Variants in SGCZ observed in about 807,000 individuals in gnomAD.
SGCZ encodes the protein zeta-sarcoglycan.
In SGCZ, 40 loss-of-function variants were observed where a neutral mutation model predicts 41.3. The ratio of observed to expected loss-of-function variants is 0.97; its 90% CI spans 0.75 to 1.26. The LOEUF (loss-of-function observed/expected upper bound fraction) is 1.26, where lower values mean the gene tolerates loss of function less well. Among genes scored for constraint, SGCZ ranks in the 50% most tolerant of loss-of-function variants. The probability of loss-of-function intolerance (pLI) is 0.00; values close to 1 mark genes in which losing one functional copy is unlikely to be tolerated. For missense variants in SGCZ, 552 were observed against 369.8 expected (o/e 1.49, Z -4.04); for synonymous variants, 206 against 137.5 (o/e 1.50, Z -3.49).
intron 2 of SGCZ, among the ~76,000 whole-genome samples, chr8:14,330,819 A>G (rs1005718206): frequency 4.6e-5 from 7 of 152,014 alleles, no homozygotes; most frequent in African/African-American, 1.7e-4. Flanking sequence ...AATTAAGAAA[A>G]TATTTTAAAA....
intron 2 of SGCZ, among the ~76,000 whole-genome samples, chr8:14,341,014 A>C (rs1219099425): frequency 6.6e-6 from 1 of 152,162 alleles, no homozygotes; most frequent in African/African-American, 2.4e-5. Flanking sequence ...AGGAGCCTCA[A>C]GTAAGTGTAA....
intron 1 of SGCZ, among the ~76,000 whole-genome samples, chr8:14,841,130 C>CA (rs1164242589): frequency 6.6e-6 from 1 of 151,728 alleles, no homozygotes; most frequent in Non-Finnish European, 1.5e-5. Flanking sequence ...AATCAAGTTA[C>CA]AAAACTAGGT....
At chr8:14,635,394 T>A (rs1297274753) in intron 1 of SGCZ, among the ~76,000 whole-genome samples, 1 of 151,780 alleles carries the variant, frequency 6.6e-6, no homozygotes, top group Non-Finnish European at 1.5e-5. Context: ...ATTCTTCAAC[T>A]TATAAAATAA....
In SGCZ at chr8:14,434,399, G is replaced by A. The variant is rs189442022; in HGVS notation, c.235-110195C>T. ...ATAGTATCATTTGAAATCAGGTAAT[G>A]GGATGCCTCCAGATTTGTTCTTTTT... On this transcript the variant is annotated intron_variant, in intron 2 of 7. Transcript: ENST00000382080. Among the ~76,000 whole-genome samples, 43 of 152,232 alleles carry A rather than the reference G, an allele frequency of 2.8e-4. No individual in the cohort carries two copies. In the East Asian group the frequency reaches 7.3e-3, roughly 26 times the overall value.
chr8:14,645,579 T>C (rs61173694), intron 1 of SGCZ, among the ~76,000 whole-genome samples: 11,788 of 148,838 alleles, frequency 0.079, 1,094 homozygotes, highest in East Asian at 0.52. Flanking sequence ...AAATTCCTGG[T>C]ATCCTCGAAG....
intron 1 of SGCZ, among the ~76,000 whole-genome samples, chr8:14,804,108 A>G (rs1049640402): frequency 3.4e-5 from 3 of 88,920 alleles, no homozygotes; most frequent in African/African-American, 6.3e-5. Context: ...CCAAAAGTAG[A>G]TAAAACCACA....
intron 1 of SGCZ, among the ~76,000 whole-genome samples, chr8:14,929,873 C>T (rs997027031): frequency 3.9e-5 from 6 of 151,988 alleles, no homozygotes; most frequent in Non-Finnish European, 7.3e-5. Context: ...GTGACTTACA[C>T]TTGGTAATTG....
chr8:14,642,153 T>C (rs1340730562), intron 1 of SGCZ, among the ~76,000 whole-genome samples: 7 of 151,686 alleles, frequency 4.6e-5, no homozygotes, highest in Non-Finnish European at 1.0e-4. Flanking sequence ...ATTTAAGTCA[T>C]GGCTAATGAG....
At position 14,997,970 on chromosome 8, in the gene SGCZ, A is replaced by C. The variant is rs547948524; in HGVS notation, c.39+239615T>G. 2.6e-5 allele frequency among the ~76,000 whole-genome samples: 4 copies of C among 152,272 alleles called. No individual in the cohort carries two copies. In the South Asian group the frequency reaches 6.2e-4, roughly 24 times the overall value. ...GTGAGACTCTGTCACAAAAGGAAAA[A>C]AAAAAATCCTAGTCATGTCATTGTT... On this transcript the variant is annotated intron_variant, in intron 1 of 7. Coordinates refer to ENST00000382080, the MANE Select transcript of SGCZ (RefSeq NM_139167.4).
intron 1 of SGCZ, among the ~76,000 whole-genome samples, chr8:14,960,022 G>T (rs1241918215): frequency 6.6e-6 from 1 of 152,104 alleles, no homozygotes; most frequent in Non-Finnish European, 1.5e-5. Flanking sequence ...GTTTTACTTT[G>T]CTGCCAAATC....
At position 14,939,491 on chromosome 8, in the gene SGCZ, C is replaced by T. The variant is rs566375049; in HGVS notation, c.39+298094G>A. 2.7e-4 allele frequency among the ~76,000 whole-genome samples: 41 copies of T among 152,134 alleles called. 2 individuals are homozygous for T. In the South Asian group the frequency reaches 8.5e-3, roughly 32 times the overall value. On this transcript the variant is annotated intron_variant, in intron 1 of 7. Coordinates refer to ENST00000382080, the MANE Select transcript of SGCZ (RefSeq NM_139167.4). ...AATTTAATGAGCAAATAAAATCAGG[C>T]AGACAACTTTTTATCGTATGAGGAT...
intron 1 of SGCZ, among the ~76,000 whole-genome samples, chr8:15,185,228 C>A (rs1800297892): frequency 6.6e-6 from 1 of 152,192 alleles, no homozygotes; most frequent in African/African-American, 2.4e-5. Context: ...TGAAGTCTGT[C>A]TTCTGCAGGA....
Position 14,489,866 on chromosome 8 carries a change from C to CATTT in SGCZ, c.234+64865_234+64866insAAAT, listed in dbSNP as rs142314868. 1.5e-5 allele frequency among the ~76,000 whole-genome samples: 2 copies of CATTT among 137,480 alleles called. 1 individual carries two copies. The highest frequency in any genetic ancestry group is 3.0e-5 in the Non-Finnish European group (2 of 65,692). The allele number at this position is 137,480 out of a possible 152,430, so 90.2% of individuals were successfully genotyped here. On this transcript the variant is annotated intron_variant, in intron 2 of 7. Coordinates refer to ENST00000382080, the MANE Select transcript of SGCZ (RefSeq NM_139167.4). The stretch of plus-strand genomic sequence containing the variant: ...ACTGGCTCGCCGAAAAATTCTCCTA[C>CATTT]CTTTTTTTTTTTTTTCCTGAGATGG...
rs1029928605 is a variant in SGCZ at position 14,749,141 on chromosome 8, C to G, written c.40-194215G>C. ...ATTCAATTTTCAAAAAAATGCTCAT[C>G]CCATAAAACTGAGATTATATTTATA... On this transcript the variant is annotated intron_variant, in intron 1 of 7. Transcript: ENST00000382080. Among the ~76,000 whole-genome samples, 3 of 152,148 alleles carry G rather than the reference C, an allele frequency of 2.0e-5. No homozygotes were observed. In the East Asian group the frequency reaches 5.8e-4, roughly 29 times the overall value.
chr8:14,948,473 A>G (rs567783636), intron 1 of SGCZ, among the ~76,000 whole-genome samples: 30 of 147,370 alleles, frequency 2.0e-4, no homozygotes, highest in African/African-American at 7.1e-4. Context: ...TTATCTTATG[A>G]GAGAGAGAGA....
intron 2 of SGCZ, among the ~76,000 whole-genome samples, chr8:14,476,212 C>T (rs142108377): frequency 6.6e-6 from 1 of 152,140 alleles, no homozygotes; most frequent in East Asian, 1.9e-4. Context: ...AATCTGTAGT[C>T]AAGAATCAGG....
At chr8:14,137,144 C>A (rs188794296) in intron 5 of SGCZ, among the ~76,000 whole-genome samples, 1 of 152,292 alleles carries the variant, frequency 6.6e-6, no homozygotes, top group African/African-American at 2.4e-5. Flanking sequence ...ACAAAAAGGA[C>A]ATCCACACCA....
chr8:14,434,361 T>G (rs569947996), intron 2 of SGCZ, among the ~76,000 whole-genome samples: 161 of 152,222 alleles, frequency 1.1e-3, no homozygotes, highest in Non-Finnish European at 1.7e-3. Flanking sequence ...GCTCTTTGGG[T>G]GACTGTGGCC....
intron 2 of SGCZ, among the ~76,000 whole-genome samples, chr8:14,518,951 C>T (rs1460709975): frequency 6.6e-6 from 1 of 150,516 alleles, no homozygotes; most frequent in East Asian, 2.0e-4. Context: ...TGCCTGCGGT[C>T]CCAGATACTT....
Sources: allele counts gnomAD v4.1 joint callset (sites outside exome capture counted in the v4.1 genomes callset), GRCh38; gene constraint gnomAD v4.1.1; transcripts MANE v1.5; gene names NCBI Gene and HGNC (gene_info 2026-07-23, HGNC 2026-07-21).